Variants in ZSWIM5 observed in about 807,000 individuals in gnomAD.
The protein encoded by ZSWIM5 is zinc finger SWIM domain-containing protein 5.
Under a neutral mutation model 119.6 loss-of-function variants are expected in ZSWIM5, and 55 were observed. The ratio of observed to expected loss-of-function variants is 0.46; its 90% CI spans 0.37 to 0.58. ZSWIM5 has a LOEUF of 0.58. Among genes scored for constraint, ZSWIM5 ranks in the 20% least tolerant of loss-of-function variants. The pLI, the probability that ZSWIM5 is intolerant of heterozygous loss-of-function variation, is 0.00. For synonymous variants in ZSWIM5, 537 were observed against 606.9 expected, an observed-to-expected ratio of 0.88 and a Z score of 1.69; for missense variants, 1,193 against 1,512.8, an observed-to-expected ratio of 0.79 and a Z score of 3.51.
At chr1:45,132,816 A>C (rs1645666160) in intron 1 of ZSWIM5, among the ~76,000 whole-genome samples, 1 of 151,908 alleles carries the variant, frequency 6.6e-6, no homozygotes, top group Admixed American at 6.6e-5. Context: ...CCTGTGTCCA[A>C]ATGTTCTCAT....
intron 7 of ZSWIM5, 114 bp downstream of exon 7, chr1:45,040,278 C>T: frequency 8.7e-7 from 1 of 1,152,912 alleles, no homozygotes; most frequent in Non-Finnish European, 1.2e-6. Flanking sequence ...GTGAGGCATT[C>T]CACACAGCAA....
chr1:45,168,217 C>T (rs1645920357), intron 1 of ZSWIM5, among the ~76,000 whole-genome samples: 1 of 151,902 alleles, frequency 6.6e-6, no homozygotes, highest in African/African-American at 2.4e-5. Context: ...AGCAAACTAT[C>T]GCAAGGACAG....
Position 45,072,087 on chromosome 1 carries a change from C to A in ZSWIM5, c.953-11840G>T, listed in dbSNP as rs1045673809. Among the ~76,000 whole-genome samples, 5 of 150,276 alleles carry A rather than the reference C, an allele frequency of 3.3e-5. No homozygotes were observed. Among genetic ancestry groups the A allele is most frequent in the Non-Finnish European group, 7.4e-5 (5 of 67,998 alleles). On this transcript the variant is annotated intron_variant, in intron 2 of 13. Coordinates refer to ENST00000359600, the MANE Select transcript of ZSWIM5 (RefSeq NM_020883.2). The surrounding 1 kb of genome is among the most constrained non-coding windows in gnomAD (Gnocchi z 4.1). ...TTTCTCCACATCCTCACCAGCACTT[C>A]TTATTGCCTGTCTTTTGGATATAAG... is the stretch of plus-strand genomic sequence containing the variant.
chr1:45,099,840 ATTCAACAGCC>A (rs949195366), intron 1 of ZSWIM5, among the ~76,000 whole-genome samples: 3 of 152,114 alleles, frequency 2.0e-5, no homozygotes, highest in African/African-American at 7.2e-5. Flanking sequence ...CTTCAACAAA[ATTCAACAGCC>A]TTCATGCTAA....
intron 1 of ZSWIM5, among the ~76,000 whole-genome samples, chr1:45,135,868 CTT>C (rs369010211): frequency 1.3e-5 from 2 of 148,152 alleles, no homozygotes; most frequent in African/African-American, 5.0e-5. Context: ...TGTGTGAAGT[CTT>C]TTTTTTTTGA....
chr1:45,045,540 G>A (rs185008136), intron 5 of ZSWIM5, among the ~76,000 whole-genome samples: 3 of 152,242 alleles, frequency 2.0e-5, no homozygotes, highest in Admixed American at 1.3e-4. Context: ...CATTAGAGTA[G>A]CACTGACAGT....
chr1:45,106,403 C>T lies in ZSWIM5; in HGVS notation c.596-18166G>A, dbSNP rs376967077. Among the ~76,000 whole-genome samples, 645 of 139,580 alleles carry T rather than the reference C, an allele frequency of 4.6e-3. 5 individuals carry two copies. The highest frequency in any genetic ancestry group is 0.038 in the South Asian group (165 of 4,314). 91.6% of individuals were successfully genotyped at this position (139,580 alleles called of 152,430 possible). A position where few individuals can be genotyped will look rare whatever the true frequency, so the allele number is the denominator to read the frequency against. On this transcript the variant is annotated intron_variant, in intron 1 of 13. Transcript: ENST00000359600. ...GCCACCCCATCTGGGAAGTGAGGAG[C>T]GCCTCTGCCCGGCCGCCCCATCTGG...
intron 2 of ZSWIM5, among the ~76,000 whole-genome samples, chr1:45,062,993 T>C (rs116790080): frequency 6.6e-6 from 1 of 152,194 alleles, no homozygotes; most frequent in African/African-American, 2.4e-5. Flanking sequence ...TCTCGAGGAG[T>C]TCCCAGTGTC....
At chr1:45,126,936 T>A (rs1272520600) in intron 1 of ZSWIM5, among the ~76,000 whole-genome samples, 1 of 152,114 alleles carries the variant, frequency 6.6e-6, no homozygotes. Flanking sequence ...ACTCCTGGGC[T>A]CAAGCAATGC....
chr1:45,026,411 T>A (rs1644921128), intron 11 of ZSWIM5, among the ~76,000 whole-genome samples: 1 of 136,364 alleles, frequency 7.3e-6, no homozygotes. Flanking sequence ...TGCTAAGGGT[T>A]TTTTTTTTTA....
chr1:45,020,188 T>A (rs564136582), intron 12 of ZSWIM5, 41 bp from the exon 13 acceptor site: 4 of 1,529,280 alleles, frequency 2.6e-6, no homozygotes, highest in Non-Finnish European at 3.6e-6. Flanking sequence ...TATGCCTAAC[T>A]GTTGTGACCT....
rs143879601 is a variant in ZSWIM5, at chr1:45,071,827, C to T, written c.953-11580G>A. On this transcript the variant is annotated intron_variant, in intron 2 of 13. Transcript: ENST00000359600. ...AAGTACCACATTTTCTTTATCCATT[C>T]GTCTGCTGATGGACACTTAGGATGG... is the stretch of plus-strand genomic sequence containing the variant. Among the ~76,000 whole-genome samples the T allele has an allele frequency of 2.4e-3, 369 of 152,242 alleles. 1 individual carries two copies. The highest frequency in any genetic ancestry group is 8.6e-3 in the African/African-American group (359 of 41,530).
chr1:45,018,966 C>A lies in ZSWIM5; in HGVS notation c.3046G>T (p.Ala1016Ser), dbSNP rs1644871344. 6.2e-7 allele frequency: 1 copy of A among 1,614,230 alleles called. No individual in the cohort carries two copies. The highest frequency in any genetic ancestry group is 2.2e-5 in the East Asian group (1 of 44,888). The change falls in exon 14 of 14, where the codon GCC becomes TCC. Residue 1016 changes from alanine to serine, a missense_variant. Transcript: ENST00000359600. This position sits in a 1 kb window ranked among gnomAD's most constrained non-coding sequence, Gnocchi z 6.7. ...ATGGCCAATGAGGCCAGCTTGAAGG[C>A]ACGTAGCGGGTAGCCACGGAGCTCC... ...YMELRGYPLRAFKLASLAMSH... is the reference protein window; with the variant it reads ...YMELRGYPLRSFKLASLAMSH...
chr1:45,055,907 T>C (rs1645118941), intron 4 of ZSWIM5, among the ~76,000 whole-genome samples: 1 of 152,148 alleles, frequency 6.6e-6, no homozygotes, highest in Non-Finnish European at 1.5e-5. Context: ...GGCGGTAGAA[T>C]TGCTTGAGGC....
At chr1:45,154,720 T>C (rs1436616452) in intron 1 of ZSWIM5, among the ~76,000 whole-genome samples, 1 of 151,916 alleles carries the variant, frequency 6.6e-6, no homozygotes, top group Non-Finnish European at 1.5e-5. Flanking sequence ...CCATTTCTAC[T>C]AAAAATTAAA....
intron 1 of ZSWIM5, among the ~76,000 whole-genome samples, chr1:45,140,791 T>C (rs1223400292): frequency 1.3e-5 from 2 of 152,176 alleles, no homozygotes; most frequent in Non-Finnish European, 2.9e-5. Flanking sequence ...GCTTTCAAAC[T>C]TGGAAAGAAT....
At chr1:45,201,712 C>A (rs996154998) in intron 1 of ZSWIM5, among the ~76,000 whole-genome samples, 1 of 152,112 alleles carries the variant, frequency 6.6e-6, no homozygotes, top group Admixed American at 6.6e-5. Context: ...GAGAAAGTCA[C>A]CTTTAGAAAA....
chr1:45,021,755 C>G (rs1233375292), intron 11 of ZSWIM5, among the ~76,000 whole-genome samples: 4 of 152,174 alleles, frequency 2.6e-5, no homozygotes, highest in Non-Finnish European at 5.9e-5. Context: ...CGCAGTGGCT[C>G]TCGCCTGTAA....
At chr1:45,068,548 A>C (rs1351236652) in intron 2 of ZSWIM5, among the ~76,000 whole-genome samples, 1 of 151,978 alleles carries the variant, frequency 6.6e-6, no homozygotes. Flanking sequence ...CTACTCAAGA[A>C]ATTTTTCTCT....
Sources: gnomAD v4.1 joint callset for allele counts (sites outside exome capture counted in the v4.1 genomes callset) on GRCh38, gnomAD v4.1.1 for gene constraint, Gnocchi (gnomAD v3.1) non-coding constraint, MANE v1.5 for transcripts, NCBI Gene and HGNC (gene_info 2026-07-23, HGNC 2026-07-21) for gene names.